ODF2: variants seen among roughly 807,000 people sequenced by gnomAD.
ODF2 encodes outer dense fiber of sperm tails 2, also known as outer dense fiber protein 2.
ODF2 carries 47 observed loss-of-function variants against 110.2 expected under a neutral mutation model. That is an observed-to-expected ratio of 0.43 (90% CI 0.34 to 0.54). The LOEUF is 0.54. ODF2 is among the 20% of genes least tolerant of loss of function. ODF2 has a pLI of 0.03. For missense variants in ODF2, 812 were observed against 1,054.5 expected (o/e 0.77, Z 3.19); for synonymous variants, 352 against 397.7 (o/e 0.89, Z 1.37).
At chr9:128,488,713 T>C (rs1404145547) in intron 14 of ODF2, among the ~76,000 whole-genome samples, 5 of 152,198 alleles carry the variant, frequency 3.3e-5, no homozygotes, top group East Asian at 3.9e-4. Flanking sequence ...TTATCTCCAT[T>C]TGAAATGAGA....
rs1414047173 is a variant in ODF2 at position 128,456,767 on chromosome 9, G to C, written c.-208-431G>C. Reference sequence around the variant, plus strand: ...CAGGGCCCTCGCCCGGCGGGGGGGGGTCCCGCCCGCCCCCTCCCAGCCCGG... The same window carrying C: ...CAGGGCCCTCGCCCGGCGGGGGGGGCTCCCGCCCGCCCCCTCCCAGCCCGG... On this transcript the variant is annotated intron_variant, in intron 1 of 20. Transcript: ENST00000604420. 5 of 848,136 alleles carry C rather than the reference G, an allele frequency of 5.9e-6. 1 individual carries two copies. Among genetic ancestry groups the C allele is most frequent in the South Asian group, 5.7e-5 (1 of 17,514 alleles). The allele number at this position is 848,136 out of a possible 1,614,324, so 52.5% of individuals were successfully genotyped here. A position where few individuals can be genotyped will look rare whatever the true frequency, so the allele number is the denominator to read the frequency against.
At chr9:128,492,831 TCTC>T (rs1359919443) in intron 16 of ODF2, 26 bp downstream of exon 16, 6 of 1,576,508 alleles carry the variant, frequency 3.8e-6, no homozygotes, top group South Asian at 2.2e-5. Context: ...CTTGTTTTCT[TCTC>T]CTACCCAATT....
chr9:128,456,356 G>C, intron 1 of ODF2, 101 bp downstream of exon 1: 1 of 1,428,474 alleles, frequency 7.0e-7, no homozygotes, highest in Non-Finnish European at 9.1e-7. Flanking sequence ...CGGGGCCGTC[G>C]GGTCCTGGGT....
chr9:128,456,974 G>A (rs957899894), intron 1 of ODF2: 17 of 1,238,984 alleles, frequency 1.4e-5, no homozygotes, highest in African/African-American at 7.8e-5. Context: ...GCGGCTCCCT[G>A]CGCGGTTCTG....
At chr9:128,462,427 G>T (rs1211813958) in intron 4 of ODF2, among the ~76,000 whole-genome samples, 1 of 152,066 alleles carries the variant, frequency 6.6e-6, no homozygotes, top group Non-Finnish European at 1.5e-5. Flanking sequence ...GGGATTACAG[G>T]TGTGAGCCAC....
intron 2 of ODF2, chr9:128,457,485 G>A (rs1196641975): frequency 1.9e-6 from 3 of 1,544,030 alleles, no homozygotes; most frequent in Middle Eastern, 1.7e-4. Context: ...GGGAAAGGTG[G>A]CCAGGGGTCC....
At chr9:128,499,982 C>T in intron 20 of ODF2, 85 bp from the exon 21 acceptor site, 2 of 1,468,062 alleles carry the variant, frequency 1.4e-6, no homozygotes, top group Non-Finnish European at 1.9e-6. Context: ...AACCTCCTGG[C>T]AACTCCTAAG....
At chr9:128,462,395 C>T (rs183653553) in intron 4 of ODF2, among the ~76,000 whole-genome samples, 22 of 152,214 alleles carry the variant, frequency 1.4e-4, no homozygotes, top group Admixed American at 1.4e-3. Flanking sequence ...GTGATCAGCC[C>T]ACCTCAGCCT....
At chr9:128,460,658 A>T in intron 3 of ODF2, 2 of 1,614,152 alleles carry the variant, frequency 1.2e-6, no homozygotes, top group South Asian at 2.2e-5. Context: ...ATCAGCGACC[A>T]GCAGCCAGGT....
intron 8 of ODF2, among the ~76,000 whole-genome samples, chr9:128,478,061 A>G (rs763608007): frequency 1.3e-5 from 2 of 152,058 alleles, no homozygotes; most frequent in South Asian, 2.1e-4. Context: ...AAGTGGCACA[A>G]TCTCAGCTCA....
At chr9:128,469,337 G>T (rs72756882) in exon 5 of ODF2, 9 of 1,614,152 alleles carry the variant, frequency 5.6e-6, no homozygotes, top group Non-Finnish European at 7.6e-6. Context: ...AATGCGGTTG[G>T]TTGTCTGAAG....
intron 1 of ODF2, 197 bp downstream of exon 1, chr9:128,456,452 T>C: frequency 6.6e-7 from 1 of 1,516,476 alleles, no homozygotes; most frequent in Non-Finnish European, 8.8e-7. Context: ...CTCCTCCCGC[T>C]AACGGGCGGT....
intron 13 of ODF2, among the ~76,000 whole-genome samples, chr9:128,487,617 C>G (rs1317683782): frequency 6.6e-6 from 1 of 152,074 alleles, no homozygotes; most frequent in Non-Finnish European, 1.5e-5. Flanking sequence ...GAAACCCCGT[C>G]TCTACTAAAA....
rs1353389663 is a variant in ODF2 at position 128,485,323 on chromosome 9, A to G, written c.1291-42A>G. 9.1e-7 allele frequency: 1 copy of G among 1,101,998 alleles called. No individual in the cohort carries two copies. Among genetic ancestry groups the G allele is most frequent in the Non-Finnish European group, 1.4e-6 (1 of 727,036 alleles). The allele number at this position is 1,101,998 out of a possible 1,614,324, so 68.3% of individuals were successfully genotyped here. ...GCTCCCAGCTCCTGGCAGCCTCACC[A>G]CTGACACTAGGCTAACAGGCCCTTT... On this transcript the variant is annotated intron_variant, in intron 12 of 20. Transcript: ENST00000604420. This position sits in a 1 kb window ranked among gnomAD's most constrained non-coding sequence, Gnocchi z 5.0.
chr9:128,478,468 CG>C (rs1728723519), intron 8 of ODF2, among the ~76,000 whole-genome samples: 1 of 148,350 alleles, frequency 6.7e-6, no homozygotes, highest in Non-Finnish European at 1.5e-5. Flanking sequence ...CATGGCGGTA[CG>C]CTCCTGTAGT....
At chr9:128,472,003 C>T (rs377593575) in intron 6 of ODF2, among the ~76,000 whole-genome samples, 35 of 152,224 alleles carry the variant, frequency 2.3e-4, no homozygotes, top group African/African-American at 7.0e-4. Flanking sequence ...TTTATTTGGC[C>T]GGGCGTGGTG....
At chr9:128,456,689 C>T (rs1460587928) in intron 1 of ODF2, 44 of 1,397,760 alleles carry the variant, frequency 3.1e-5, no homozygotes, top group Non-Finnish European at 3.9e-5. Context: ...ATGGCAGTCA[C>T]TTGTACGCCC....
chr9:128,455,283 G>T, upstream of ODF2: 1 of 1,504,250 alleles, frequency 6.6e-7, no homozygotes, highest in Non-Finnish European at 8.9e-7. Flanking sequence ...CGGGCGCGGA[G>T]GCTCAAGCCT....
chr9:128,459,103 C>A (rs1375142077), intron 2 of ODF2, among the ~76,000 whole-genome samples: 2 of 152,150 alleles, frequency 1.3e-5, no homozygotes, highest in Admixed American at 6.5e-5. Flanking sequence ...CCTTGGCCTC[C>A]AAAAGTGCTG....
Sources: allele counts gnomAD v4.1 joint callset (sites outside exome capture counted in the v4.1 genomes callset), GRCh38; gene constraint gnomAD v4.1.1; non-coding constraint Gnocchi (gnomAD v3.1); transcripts MANE v1.5; gene names NCBI Gene and HGNC (gene_info 2026-07-23, HGNC 2026-07-21).